The following ATXN1 variants were observed in gnomAD, a reference collection of about 807,000 sequenced individuals.
ATXN1 encodes the protein ataxin-1.
A neutral mutation model predicts 56.4 loss-of-function variants in ATXN1; 8 were observed. That is an observed-to-expected ratio of 0.14 (90% CI 0.08 to 0.26). ATXN1 has a LOEUF of 0.26. ATXN1 is among the 10% of genes least tolerant of loss of function. The pLI, the probability that ATXN1 is intolerant of heterozygous loss-of-function variation, is 1.00. For missense variants in ATXN1, 987 were observed against 1,106.5 expected, an observed-to-expected ratio of 0.89 and a Z score of 1.53; for synonymous variants, 514 against 494.6, an observed-to-expected ratio of 1.04 and a Z score of -0.52.
At chr6:16,360,444 A>T (rs1761785332) in intron 6 of ATXN1, among the ~76,000 whole-genome samples, 1 of 152,252 alleles carries the variant, frequency 6.6e-6, no homozygotes, top group Non-Finnish European at 1.5e-5. Flanking sequence ...CTTGAATAAC[A>T]TATTCAGCAT....
At chr6:16,437,049 T>C (rs1759408750) in intron 6 of ATXN1, among the ~76,000 whole-genome samples, 1 of 151,978 alleles carries the variant, frequency 6.6e-6, no homozygotes, top group Admixed American at 6.6e-5. Context: ...AGAAGCAGGT[T>C]GGGGTAGAAT....
intron 5 of ATXN1, among the ~76,000 whole-genome samples, chr6:16,522,182 C>T (rs1761306631): frequency 6.6e-6 from 1 of 152,140 alleles, no homozygotes; most frequent in Non-Finnish European, 1.5e-5. Context: ...CCCATCTGTA[C>T]ATAGGGCCTT....
intron 3 of ATXN1, among the ~76,000 whole-genome samples, chr6:16,644,747 G>A (rs1279799137): frequency 6.6e-6 from 1 of 152,058 alleles, no homozygotes; most frequent in East Asian, 1.9e-4. Flanking sequence ...GGGAAGGGAT[G>A]ATACTGACGT....
In ATXN1 at chr6:16,594,874, A is replaced by T. The variant is rs147178324; in HGVS notation, c.-488-8967T>A. 2.3e-4 allele frequency among the ~76,000 whole-genome samples: 35 copies of T among 152,350 alleles called. No individual in the cohort carries two copies. In the East Asian group the frequency reaches 5.8e-3, roughly 25 times the overall value. On this transcript the variant is annotated intron_variant, in intron 3 of 7. Transcript: ENST00000436367. Reference sequence around the variant, plus strand: ...TTATACTTTGTTCAGCACTAAGCATAACAAACGAGAGTTACTTCGTAAGAT... The same window carrying T: ...TTATACTTTGTTCAGCACTAAGCATTACAAACGAGAGTTACTTCGTAAGAT...
In ATXN1 at chr6:16,665,462, G is replaced by C. The variant is rs555578445; in HGVS notation, c.-614-7561C>G. Among the ~76,000 whole-genome samples the C allele has an allele frequency of 4.7e-4, 71 of 150,002 alleles. 1 individual carries two copies. In the South Asian group the frequency reaches 0.015, roughly 31 times the overall value. ...TCCGCTGTACACATGGAAGAGAATGGGAATGGAATAGGTAAATAATGTCTT... is the reference window on the plus strand; with the variant it reads ...TCCGCTGTACACATGGAAGAGAATGCGAATGGAATAGGTAAATAATGTCTT... On this transcript the variant is annotated intron_variant, in intron 2 of 7. Coordinates refer to ENST00000436367, the MANE Select transcript of ATXN1 (RefSeq NM_001128164.2).
chr6:16,693,243 A>C (rs1759086415), intron 2 of ATXN1, among the ~76,000 whole-genome samples: 1 of 152,200 alleles, frequency 6.6e-6, no homozygotes, highest in Admixed American at 6.5e-5. Context: ...AAGAGCACTG[A>C]ATTTGAAGTC....
At chr6:16,399,703 G>A (rs1193323620) in intron 6 of ATXN1, among the ~76,000 whole-genome samples, 6 of 152,092 alleles carry the variant, frequency 3.9e-5, no homozygotes, top group East Asian at 1.9e-4. Context: ...CACAACTGCC[G>A]GGTGCTACCA....
rs181206055 is a variant in ATXN1 at position 16,361,148 on chromosome 6, T to C, written c.-160-32678A>G. Among the ~76,000 whole-genome samples, 396 of 152,348 alleles carry C rather than the reference T, an allele frequency of 2.6e-3. 4 individuals carry two copies. In the Middle Eastern group the frequency reaches 0.048, roughly 18 times the overall value. On this transcript the variant is annotated intron_variant, in intron 6 of 7. Transcript: ENST00000436367. ...ATACCCAAAGACATTTAACTGTCTC[T>C]GAGAGGCAAGAAGAATCTGTGTTAG...
intron 6 of ATXN1, among the ~76,000 whole-genome samples, chr6:16,447,419 T>G (rs1311821690): frequency 1.3e-5 from 2 of 152,140 alleles, no homozygotes; most frequent in Non-Finnish European, 2.9e-5. Flanking sequence ...GGATGGGGTT[T>G]CACCATGTTG....
At chr6:16,619,899 A>T (rs373585569) in intron 3 of ATXN1, among the ~76,000 whole-genome samples, 15 of 152,166 alleles carry the variant, frequency 9.9e-5, no homozygotes, top group African/African-American at 3.6e-4. Flanking sequence ...AAAAAGAAAA[A>T]AAAAAAACAT....
intron 6 of ATXN1, among the ~76,000 whole-genome samples, chr6:16,395,878 A>G (rs1758446225): frequency 1.3e-5 from 2 of 152,008 alleles, no homozygotes; most frequent in South Asian, 2.1e-4. Context: ...AGCTGGGCAT[A>G]GTGGCACGTG....
rs752214833 is a variant in ATXN1 at position 16,327,317 on chromosome 6, G to A, written c.994C>T (p.Arg332Trp). 16 of 1,613,126 alleles carry A rather than the reference G, an allele frequency of 9.9e-6. No individual in the cohort carries two copies. Among genetic ancestry groups the A allele is most frequent in the South Asian group, 5.5e-5 (5 of 91,076 alleles). The change falls in exon 7 of 8, where the codon CGG (arginine) becomes TGG (tryptophan). Residue 332 changes from arginine (R) to tryptophan (W), a missense_variant. Around this residue, in one of 3 missense-constraint regions of ATXN1, gnomAD observed 723 missense variants for 791.7 expected, o/e 0.91. Transcript: ENST00000436367. ...EVLNGEMEKS[R>W]RYGAPSSADL... ...GCTGAGGACGGGGCCCCGTACCGCCGGCTCTTCTCCATCTCACCGTTCAGG... is the reference window on the plus strand; with the variant it reads ...GCTGAGGACGGGGCCCCGTACCGCCAGCTCTTCTCCATCTCACCGTTCAGG...
chr6:16,505,483 T>G (rs999744651), intron 5 of ATXN1, among the ~76,000 whole-genome samples: 1 of 152,114 alleles, frequency 6.6e-6, no homozygotes. Context: ...ATATAAGCTT[T>G]ATATGGAAGG....
intron 6 of ATXN1, among the ~76,000 whole-genome samples, chr6:16,366,332 T>G (rs1761917975): frequency 6.6e-6 from 1 of 152,192 alleles, no homozygotes; most frequent in African/African-American, 2.4e-5. Context: ...ATTCAGAACC[T>G]GCCACCTAGC....
At chr6:16,316,231 G>A (rs1287431021) in intron 7 of ATXN1, among the ~76,000 whole-genome samples, 2 of 152,292 alleles carry the variant, frequency 1.3e-5, no homozygotes, top group East Asian at 1.9e-4. Context: ...GATCTGAGGT[G>A]GAACAGTTTC....
chr6:16,708,813 G>A (rs1478380574), intron 2 of ATXN1, among the ~76,000 whole-genome samples: 5 of 152,154 alleles, frequency 3.3e-5, no homozygotes, highest in African/African-American at 1.2e-4. Context: ...AACACCTGAG[G>A]TCAGGAGTTC....
intron 4 of ATXN1, among the ~76,000 whole-genome samples, chr6:16,567,910 G>A (rs1464176171): frequency 6.6e-6 from 1 of 151,742 alleles, no homozygotes; most frequent in Admixed American, 6.6e-5. Flanking sequence ...ACCATAAAAT[G>A]CTCAGGACCT....
At chr6:16,441,850 G>C (rs1252167550) in intron 6 of ATXN1, among the ~76,000 whole-genome samples, 1 of 151,876 alleles carries the variant, frequency 6.6e-6, no homozygotes, top group African/African-American at 2.4e-5. Flanking sequence ...GAAAGAAATA[G>C]AATTCAAGAG....
intron 2 of ATXN1, among the ~76,000 whole-genome samples, chr6:16,670,459 C>G (rs982496998): frequency 3.3e-5 from 5 of 152,180 alleles, no homozygotes; most frequent in African/African-American, 9.7e-5. Flanking sequence ...ACATTACTCT[C>G]TGCGATCTTC....
Sources: gnomAD v4.1 joint callset for allele counts (sites outside exome capture counted in the v4.1 genomes callset) on GRCh38, gnomAD v4.1.1 for gene constraint, gnomAD v4.1.1 regional missense constraint, MANE v1.5 for transcripts, NCBI Gene and HGNC (gene_info 2026-07-23, HGNC 2026-07-21) for gene names.